Variants in PDE4D observed in about 807,000 individuals in gnomAD.
PDE4D encodes 3',5'-cyclic-AMP phosphodiesterase 4D.
PDE4D carries 24 observed loss-of-function variants against 87.4 expected under a neutral mutation model. The observed-to-expected ratio is 0.27, with a 90% CI of 0.20 to 0.39. The LOEUF is 0.39. Among genes scored for constraint, PDE4D ranks in the 10% least tolerant of loss-of-function variants. PDE4D has a pLI of 1.00. For missense variants in PDE4D, 714 were observed against 1,041.0 expected (o/e 0.69, Z 4.32); for synonymous variants, 384 against 383.2 (o/e 1.00, Z -0.02).
intron 1 of PDE4D, among the ~76,000 whole-genome samples, chr5:60,444,619 G>A (rs1050429660): frequency 6.6e-6 from 1 of 152,052 alleles, no homozygotes; most frequent in Non-Finnish European, 1.5e-5. Flanking sequence ...CCAGATGGGC[G>A]AGGTATGTGT....
chr5:60,509,492 A>G (rs1344494182), intron 1 of PDE4D, among the ~76,000 whole-genome samples: 1 of 152,242 alleles, frequency 6.6e-6, no homozygotes, highest in African/African-American at 2.4e-5. Context: ...ATCTGTGATA[A>G]TGAAGATTGA....
At chr5:59,039,555 C>T (rs2153394334) in intron 5 of PDE4D, 1 of 981,390 alleles carries the variant, frequency 1.0e-6, no homozygotes, top group Non-Finnish European at 1.2e-6. Context: ...GCAGGCGCAG[C>T]GCGGCTCCAA....
chr5:59,887,924 T>C (rs908820329), intron 1 of PDE4D, among the ~76,000 whole-genome samples: 5 of 152,246 alleles, frequency 3.3e-5, no homozygotes, highest in Non-Finnish European at 2.9e-5. Flanking sequence ...GGTTAAAAGA[T>C]GGCCACAATG....
At chr5:59,830,155 G>A (rs1740964373) in intron 1 of PDE4D, among the ~76,000 whole-genome samples, 1 of 152,012 alleles carries the variant, frequency 6.6e-6, no homozygotes, top group Non-Finnish European at 1.5e-5. Flanking sequence ...TTGTGTATTT[G>A]AGTTAATGAC....
At chr5:60,180,799 T>C (rs1223512824) in intron 2 of PDE4D, among the ~76,000 whole-genome samples, 1 of 152,154 alleles carries the variant, frequency 6.6e-6, no homozygotes, top group Non-Finnish European at 1.5e-5. Flanking sequence ...CTTGGTTTTG[T>C]TTTGTATTTT....
intron 2 of PDE4D, among the ~76,000 whole-genome samples, chr5:60,096,688 C>T (rs1382528229): frequency 1.3e-5 from 2 of 152,014 alleles, no homozygotes; most frequent in African/African-American, 2.4e-5. Context: ...TCACTGAATG[C>T]TAATGTATAG....
intron 11 of PDE4D, among the ~76,000 whole-genome samples, chr5:58,983,092 C>T (rs763394709): frequency 1.3e-5 from 2 of 152,310 alleles, no homozygotes; most frequent in Admixed American, 6.5e-5. Context: ...AAGTGAACAA[C>T]GAGTCACCTT....
chr5:60,472,343 T>G (rs1473147028), intron 1 of PDE4D, among the ~76,000 whole-genome samples: 1 of 152,172 alleles, frequency 6.6e-6, no homozygotes, highest in Admixed American at 6.6e-5. Context: ...CAAAGCCTGA[T>G]TCCAACCCAG....
At chr5:59,201,734 C>A (rs1747461020) in intron 2 of PDE4D, among the ~76,000 whole-genome samples, 1 of 152,078 alleles carries the variant, frequency 6.6e-6, no homozygotes, top group Admixed American at 6.5e-5. Context: ...ATAATAAAGC[C>A]AACTTCAGTT....
chr5:59,498,041 A>T (rs1035406972), intron 1 of PDE4D, among the ~76,000 whole-genome samples: 1 of 152,116 alleles, frequency 6.6e-6, no homozygotes, highest in Non-Finnish European at 1.5e-5. Context: ...AAAGAAAAAA[A>T]ATGCCAACCA....
intron 2 of PDE4D, among the ~76,000 whole-genome samples, chr5:60,166,932 C>G (rs1782962295): frequency 6.6e-6 from 1 of 151,932 alleles, no homozygotes; most frequent in South Asian, 2.1e-4. Context: ...TATTAAAATG[C>G]CCTTATGTGT....
intron 1 of PDE4D, chr5:59,558,921 G>A (rs1046352950): frequency 6.6e-6 from 1 of 152,100 alleles, no homozygotes; most frequent in Non-Finnish European, 1.5e-5. Context: ...ATAGCTCTAA[G>A]CCACATGAGG....
At chr5:60,069,991 G>A (rs1772530946) in intron 2 of PDE4D, among the ~76,000 whole-genome samples, 1 of 152,006 alleles carries the variant, frequency 6.6e-6, no homozygotes, top group Non-Finnish European at 1.5e-5. Flanking sequence ...TTTGTTGTTA[G>A]TGTATAGAAA....
intron 1 of PDE4D, among the ~76,000 whole-genome samples, chr5:60,499,188 T>C (rs1242354236): frequency 1.3e-5 from 2 of 152,150 alleles, no homozygotes; most frequent in African/African-American, 4.8e-5. Context: ...AACAACTGGA[T>C]CTGTGTATTT....
chr5:59,989,079 G>T (rs1582065081), intron 2 of PDE4D, among the ~76,000 whole-genome samples: 1 of 118,194 alleles, frequency 8.5e-6, no homozygotes, highest in South Asian at 2.7e-4. Context: ...ATTGACATAT[G>T]CATGTGTCAT....
intron 1 of PDE4D, among the ~76,000 whole-genome samples, chr5:60,227,781 G>A (rs1238371593): frequency 6.6e-6 from 1 of 152,088 alleles, no homozygotes; most frequent in Non-Finnish European, 1.5e-5. Context: ...TGTCAGTCTT[G>A]TTATTTGCCA....
chr5:60,163,434 T>G (rs1455908613), intron 2 of PDE4D, among the ~76,000 whole-genome samples: 2 of 152,168 alleles, frequency 1.3e-5, no homozygotes, highest in African/African-American at 4.8e-5. Flanking sequence ...AGCAGCTGTT[T>G]CCAGCAGTCT....
intron 3 of PDE4D, among the ~76,000 whole-genome samples, chr5:59,918,961 A>G (rs1754374740): frequency 6.6e-6 from 1 of 152,226 alleles, no homozygotes; most frequent in African/African-American, 2.4e-5. Flanking sequence ...TGAATAGTTG[A>G]AATATTCAAG....
At chr5:59,465,529 T>G (rs1163692676) in intron 1 of PDE4D, among the ~76,000 whole-genome samples, 2 of 152,236 alleles carry the variant, frequency 1.3e-5, no homozygotes, top group African/African-American at 4.8e-5. Flanking sequence ...TTTTAAAATT[T>G]TATACATATT....
Sources: allele counts gnomAD v4.1 joint callset (sites outside exome capture counted in the v4.1 genomes callset), GRCh38; gene constraint gnomAD v4.1.1; transcripts MANE v1.5; gene names NCBI Gene and HGNC (gene_info 2026-07-23, HGNC 2026-07-21).